CFAP54: variants seen among roughly 807,000 people sequenced by gnomAD.
CFAP54 encodes cilia and flagella associated protein 54.
In CFAP54, 290 loss-of-function variants were observed where a neutral mutation model predicts 370.4. The observed-to-expected ratio is 0.78, with a 90% CI of 0.71 to 0.86. The LOEUF is 0.86. CFAP54 is among the 40% of genes least tolerant of loss of function. The pLI, the probability that CFAP54 is intolerant of heterozygous loss-of-function variation, is 0.00. For synonymous variants in CFAP54, 1,206 were observed against 1,236.5 expected, an observed-to-expected ratio of 0.98 and a Z score of 0.52; for missense variants, 3,399 against 3,528.7, an observed-to-expected ratio of 0.96 and a Z score of 0.93.
intron 66 of CFAP54, among the ~76,000 whole-genome samples, chr12:96,860,393 G>A (rs538654829): frequency 2.0e-5 from 3 of 152,170 alleles, no homozygotes; most frequent in East Asian, 1.9e-4. Context: ...GCTCTCGCTC[G>A]TGATAACACG....
At chr12:96,833,798 T>C (rs887835365) in intron 66 of CFAP54, among the ~76,000 whole-genome samples, 7 of 152,186 alleles carry the variant, frequency 4.6e-5, no homozygotes, top group African/African-American at 1.7e-4. Context: ...ATATTTCTAC[T>C]GCTAGTAGTA....
At position 96,574,671 on chromosome 12, in the gene CFAP54, A is replaced by G. The variant is rs185950618; in HGVS notation, c.2620-1914A>G. 2.8e-3 allele frequency among the ~76,000 whole-genome samples: 422 copies of G among 152,196 alleles called. 5 individuals are homozygous for G. The highest frequency in any genetic ancestry group is 2.5e-3 in the Non-Finnish European group (172 of 67,988). On this transcript the variant is annotated intron_variant, in intron 19 of 67. Coordinates refer to ENST00000524981, the MANE Select transcript of CFAP54 (RefSeq NM_001306084.2). ...TATGGATATATTAAATTATATTTAT[A>G]TACTTCCTAATGTTAAACTGTCCTT...
At chr12:96,541,738 A>G (rs1955576175) in intron 14 of CFAP54, among the ~76,000 whole-genome samples, 1 of 152,136 alleles carries the variant, frequency 6.6e-6, no homozygotes, top group Admixed American at 6.6e-5. Flanking sequence ...TAAGTGTTGA[A>G]TGGATCAGTG....
chr12:96,564,027 G>A (rs1955840189), intron 17 of CFAP54, among the ~76,000 whole-genome samples: 1 of 152,210 alleles, frequency 6.6e-6, no homozygotes, highest in Admixed American at 6.5e-5. Context: ...GGAAGATAGT[G>A]GAGGTCTTCG....
At chr12:96,573,504 T>G (rs1269686903) in intron 19 of CFAP54, among the ~76,000 whole-genome samples, 6 of 152,162 alleles carry the variant, frequency 3.9e-5, no homozygotes, top group Non-Finnish European at 8.8e-5. Context: ...CTGTTGTCTA[T>G]GGAAGAGGGT....
At chr12:96,795,812 C>A (rs897631867) in intron 63 of CFAP54, among the ~76,000 whole-genome samples, 1 of 152,128 alleles carries the variant, frequency 6.6e-6, no homozygotes, top group Non-Finnish European at 1.5e-5. Flanking sequence ...GTCCAGGAAA[C>A]TTTATATTTG....
intron 67 of CFAP54, among the ~76,000 whole-genome samples, chr12:96,867,415 G>C (rs1960033214): frequency 6.6e-6 from 1 of 152,144 alleles, no homozygotes; most frequent in Non-Finnish European, 1.5e-5. Flanking sequence ...TATATCCAAA[G>C]GAAATGAAAT....
intron 63 of CFAP54, 59 bp downstream of exon 63, chr12:96,792,558 A>G: frequency 2.3e-6 from 3 of 1,331,232 alleles, no homozygotes; most frequent in East Asian, 5.1e-5. Flanking sequence ...TAACTAAACC[A>G]TTATAACTTG....
chr12:96,787,869 A>G (rs944019024), intron 62 of CFAP54, among the ~76,000 whole-genome samples: 1 of 152,008 alleles, frequency 6.6e-6, no homozygotes, highest in African/African-American at 2.4e-5. Context: ...AATACTCTCA[A>G]TAGGGCTGAT....
intron 26 of CFAP54, among the ~76,000 whole-genome samples, chr12:96,607,967 T>G (rs1565912249): frequency 6.6e-6 from 1 of 152,150 alleles, no homozygotes; most frequent in Non-Finnish European, 1.5e-5. Context: ...ATTCTGCCCA[T>G]GTACTTATCT....
In CFAP54 at chr12:96,658,117, T is replaced by A; in HGVS notation, c.5324+12T>A. ...AATACAGTTTCACAGTAAGTACTGC[T>A]GTAAGGGCAATTAAAAGTAGAAGAC... On this transcript the variant is annotated intron_variant, in intron 37 of 67. Transcript: ENST00000524981. 1 of 1,596,764 alleles carries A rather than the reference T, an allele frequency of 6.3e-7. No individual in the cohort carries two copies. Among genetic ancestry groups the A allele is most frequent in the Non-Finnish European group, 8.5e-7 (1 of 1,171,974 alleles).
chr12:96,767,209 G>A (rs567715207), intron 60 of CFAP54, among the ~76,000 whole-genome samples: 5 of 152,254 alleles, frequency 3.3e-5, no homozygotes, highest in African/African-American at 7.2e-5. Context: ...CCAAACTATC[G>A]CATATGACAA....
intron 7 of CFAP54, 26 bp from the exon 8 acceptor site, chr12:96,522,062 A>G: frequency 6.5e-7 from 1 of 1,529,546 alleles, no homozygotes. Flanking sequence ...TTGTTATTTC[A>G]TGTATAATTC....
At chr12:96,529,797 A>G (rs974601556) in intron 9 of CFAP54, among the ~76,000 whole-genome samples, 7 of 152,108 alleles carry the variant, frequency 4.6e-5, no homozygotes, top group African/African-American at 1.7e-4. Context: ...CATTCTCTTA[A>G]TGATATCCAT....
intron 66 of CFAP54, 129 bp from the exon 67 acceptor site, chr12:96,860,690 C>T (rs1308264207): frequency 3.3e-6 from 3 of 905,482 alleles, no homozygotes; most frequent in Non-Finnish European, 4.8e-6. Flanking sequence ...AACTTTGTGC[C>T]TTACCTGAGA....
chr12:96,809,876 G>A (rs1446944795), intron 63 of CFAP54, among the ~76,000 whole-genome samples: 1 of 152,136 alleles, frequency 6.6e-6, no homozygotes, highest in East Asian at 1.9e-4. Context: ...ACTACATTCT[G>A]AGAAGGGGCT....
At chr12:96,497,662 C>T (rs1271541248) in intron 1 of CFAP54, among the ~76,000 whole-genome samples, 1 of 152,190 alleles carries the variant, frequency 6.6e-6, no homozygotes, top group African/African-American at 2.4e-5. Flanking sequence ...CCTACAACAG[C>T]AGAAAGTCCA....
chr12:96,651,141 G>C (rs1393740805), intron 35 of CFAP54, among the ~76,000 whole-genome samples: 1 of 152,120 alleles, frequency 6.6e-6, no homozygotes, highest in Non-Finnish European at 1.5e-5. Flanking sequence ...GTCCTGTAAT[G>C]CTCTGTCAGG....
intron 63 of CFAP54, among the ~76,000 whole-genome samples, chr12:96,808,936 A>C (rs777066852): frequency 6.6e-6 from 1 of 152,192 alleles, no homozygotes; most frequent in Non-Finnish European, 1.5e-5. Flanking sequence ...TTGAATGTCT[A>C]ACAAAAGATC....
Sources: gnomAD v4.1 joint callset for allele counts (sites outside exome capture counted in the v4.1 genomes callset) on GRCh38, gnomAD v4.1.1 for gene constraint, MANE v1.5 for transcripts, NCBI Gene and HGNC (gene_info 2026-07-23, HGNC 2026-07-21) for gene names.